GSG1L: variants seen among roughly 807,000 people sequenced by gnomAD.
GSG1L encodes the protein germ cell-specific gene 1-like protein.
In GSG1L, 24 loss-of-function variants were observed where a neutral mutation model predicts 42.1. The ratio of observed to expected loss-of-function variants is 0.57; its 90% CI spans 0.41 to 0.80. The LOEUF is 0.80. Ranked by LOEUF, GSG1L falls within the 30% of genes least tolerant of loss-of-function variation. GSG1L has a pLI of 0.00. For missense variants in GSG1L, 445 were observed against 472.2 expected (o/e 0.94, Z 0.53); for synonymous variants, 215 against 203.5 (o/e 1.06, Z -0.48).
At chr16:28,061,349 G>C (rs205418) in intron 1 of GSG1L, among the ~76,000 whole-genome samples, 117,246 of 152,096 alleles carry the variant, frequency 0.77, 45,364 homozygotes, top group East Asian at 0.9. Context: ...ACATTTGAGT[G>C]TTGAGTGTAA....
chr16:28,063,079 G>T lies in GSG1L; in HGVS notation c.346C>A (p.Leu116Ile). ...WYSCEEELSG[L>I]GEKCRSFIDL... Reference sequence around the variant, plus strand: ...GCCGCCGCCCGCGCGCACTCACCAAGCCCGCTGAGCTCCTCCTCGCACGAG... The same window carrying T: ...GCCGCCGCCCGCGCGCACTCACCAATCCCGCTGAGCTCCTCCTCGCACGAG... Residue 116 changes from leucine to isoleucine, a missense_variant, in exon 1 of 7, where the codon CTT (leucine) becomes ATT (isoleucine). Around this residue, in one of 3 missense-constraint regions of GSG1L, gnomAD observed 149 missense variants for 223.3 expected, o/e 0.67. Coordinates refer to ENST00000447459, the MANE Select transcript of GSG1L (RefSeq NM_001109763.2). This position sits in a 1 kb window ranked among gnomAD's most constrained non-coding sequence, Gnocchi z 5.8. 7.0e-7 allele frequency: 1 copy of T among 1,426,676 alleles called. No individual in the cohort carries two copies. 88.4% of individuals were successfully genotyped at this position (1,426,676 alleles called of 1,614,324 possible). A position where few individuals can be genotyped will look rare whatever the true frequency, so the allele number is the denominator to read the frequency against.
intron 1 of GSG1L, among the ~76,000 whole-genome samples, chr16:28,033,852 A>G (rs2085995528): frequency 6.6e-6 from 1 of 152,252 alleles, no homozygotes; most frequent in African/African-American, 2.4e-5. Context: ...ACAGACTACA[A>G]AAGAGTATAT....
intron 1 of GSG1L, among the ~76,000 whole-genome samples, chr16:27,993,448 T>G (rs987065174): frequency 6.6e-6 from 1 of 152,162 alleles, no homozygotes; most frequent in Non-Finnish European, 1.5e-5. Flanking sequence ...GAGTCCCCAC[T>G]TTCAATCATA....
intron 1 of GSG1L, among the ~76,000 whole-genome samples, chr16:27,984,845 C>A (rs187239188): frequency 1.3e-5 from 2 of 152,154 alleles, no homozygotes; most frequent in East Asian, 3.9e-4. Flanking sequence ...GCAGCCTCGA[C>A]CTCCCAGGAT....
At chr16:27,905,856 C>A (rs540768363) in intron 2 of GSG1L, among the ~76,000 whole-genome samples, 108 of 152,194 alleles carry the variant, frequency 7.1e-4, no homozygotes, top group African/African-American at 2.6e-3. Flanking sequence ...ACCCTTCCCC[C>A]ACCTTCCCAC....
intron 1 of GSG1L, among the ~76,000 whole-genome samples, chr16:28,057,649 G>C (rs1268232586): frequency 6.6e-6 from 1 of 151,228 alleles, no homozygotes; most frequent in Non-Finnish European, 1.5e-5. Flanking sequence ...CGGGCCACCT[G>C]TCTGCAGCCT....
At chr16:27,976,000 C>T (rs983326509) in intron 1 of GSG1L, among the ~76,000 whole-genome samples, 1 of 152,286 alleles carries the variant, frequency 6.6e-6, no homozygotes, top group African/African-American at 2.4e-5. Context: ...ACAGGCCAGG[C>T]GTGGTGGCTC....
intron 1 of GSG1L, among the ~76,000 whole-genome samples, chr16:28,054,764 G>A (rs960920743): frequency 3.3e-5 from 5 of 152,030 alleles, no homozygotes; most frequent in East Asian, 1.9e-4. Context: ...GCAAATTGAC[G>A]GGACAAGGGT....
intron 4 of GSG1L, among the ~76,000 whole-genome samples, chr16:27,838,792 G>A (rs1164027328): frequency 1.3e-5 from 2 of 152,184 alleles, no homozygotes; most frequent in East Asian, 1.9e-4. Flanking sequence ...ACTAGGAGCT[G>A]GATAGTGGCA....
rs150661067 is a variant in GSG1L at position 27,932,555 on chromosome 16, A to G, written c.397+30601T>C. ...CAACCGGATCTCACTAGAACTCACT[A>G]TCGCCATGACAGCACCAAGTGGGGA... On this transcript the variant is annotated intron_variant, in intron 2 of 6. Transcript: ENST00000447459. 3.8e-3 allele frequency among the ~76,000 whole-genome samples: 579 copies of G among 152,300 alleles called. 5 individuals are homozygous for G. Among genetic ancestry groups the G allele is most frequent in the African/African-American group, 0.013 (552 of 41,560 alleles).
chr16:27,946,417 C>T (rs552593691), intron 2 of GSG1L, among the ~76,000 whole-genome samples: 138 of 151,490 alleles, frequency 9.1e-4, no homozygotes, highest in Non-Finnish European at 7.4e-5. Flanking sequence ...TGGTGGCGGG[C>T]ACCTGTAATC....
chr16:27,868,772 C>T (rs2083763797), intron 3 of GSG1L, among the ~76,000 whole-genome samples: 1 of 152,118 alleles, frequency 6.6e-6, no homozygotes, highest in Non-Finnish European at 1.5e-5. Flanking sequence ...TCATGAGGGC[C>T]TGCAGCTGCC....
chr16:27,994,228 GGAGATGTTGCCAAGAT>G (rs1205166111), intron 1 of GSG1L, among the ~76,000 whole-genome samples: 1 of 152,138 alleles, frequency 6.6e-6, no homozygotes, highest in Non-Finnish European at 1.5e-5. Context: ...ACCACCAAGG[GGAGATGTTGCCAAGAT>G]ATTCAAGCAG....
rs2084002055 is a variant in GSG1L, at chr16:27,884,433, AGCACCCTTTCTC to A, written c.550+41_550+52del. On this transcript the variant is annotated intron_variant, in intron 3 of 6. Coordinates refer to ENST00000447459, the MANE Select transcript of GSG1L (RefSeq NM_001109763.2). This position sits in a 1 kb window ranked among gnomAD's most constrained non-coding sequence, Gnocchi z 4.4. ...TACAACCAGGGCTTACTCCAAGGGC[AGCACCCTTTCTC>A]GCCTGTGCTCTGAGAGGCCACAGGA... is the stretch of plus-strand genomic sequence containing the variant. 1.3e-5 allele frequency: 20 copies of A among 1,550,710 alleles called. No homozygotes were observed. In the South Asian group the frequency reaches 1.5e-4, roughly 12 times the overall value.
intron 1 of GSG1L, among the ~76,000 whole-genome samples, chr16:28,030,205 A>G (rs1297598089): frequency 2.0e-5 from 3 of 152,214 alleles, no homozygotes; most frequent in Non-Finnish European, 4.4e-5. Context: ...CCAGCAGCTC[A>G]GTCCGTGAGT....
intron 2 of GSG1L, among the ~76,000 whole-genome samples, chr16:27,907,045 T>A (rs2084328243): frequency 6.6e-6 from 1 of 152,236 alleles, no homozygotes; most frequent in Non-Finnish European, 1.5e-5. Context: ...ACAGGGCTAG[T>A]ATCCTCAGAG....
intron 1 of GSG1L, among the ~76,000 whole-genome samples, chr16:28,008,414 T>C (rs533033392): frequency 4.6e-5 from 7 of 152,248 alleles, no homozygotes; most frequent in African/African-American, 1.7e-4. Context: ...TCCAGGTCTC[T>C]TCCTTGGCCT....
intron 2 of GSG1L, among the ~76,000 whole-genome samples, chr16:27,921,392 T>C (rs2084522297): frequency 6.6e-6 from 1 of 152,194 alleles, no homozygotes; most frequent in African/African-American, 2.4e-5. Flanking sequence ...TTGGTGCCGG[T>C]GTGTTGTTAA....
chr16:28,006,776 G>T (rs949861450), intron 1 of GSG1L, among the ~76,000 whole-genome samples: 1 of 152,170 alleles, frequency 6.6e-6, no homozygotes, highest in Admixed American at 6.5e-5. Flanking sequence ...GGGAGTGGGT[G>T]ATCTGGTCAA....
Sources: allele counts gnomAD v4.1 joint callset (sites outside exome capture counted in the v4.1 genomes callset), GRCh38; gene constraint gnomAD v4.1.1; regional missense constraint gnomAD v4.1.1; non-coding constraint Gnocchi (gnomAD v3.1); transcripts MANE v1.5; gene names NCBI Gene and HGNC (gene_info 2026-07-23, HGNC 2026-07-21).